MACROD2: variants seen among roughly 807,000 people sequenced by gnomAD.
MACROD2 encodes ADP-ribose glycohydrolase MACROD2.
MACROD2 carries 36 observed loss-of-function variants against 70.4 expected under a neutral mutation model. The observed-to-expected ratio is 0.51, with a 90% CI of 0.39 to 0.68. MACROD2 has a LOEUF of 0.68. MACROD2 is among the 30% of genes least tolerant of loss of function. The pLI is 0.00. For missense variants in MACROD2, 496 were observed against 538.4 expected (o/e 0.92, Z 0.78); for synonymous variants, 172 against 178.8 (o/e 0.96, Z 0.30).
At chr20:15,784,275 GCCTGGTAGCTCATGCTA>G (rs1316349777) in intron 8 of MACROD2, among the ~76,000 whole-genome samples, 1 of 152,120 alleles carries the variant, frequency 6.6e-6, no homozygotes, top group Non-Finnish European at 1.5e-5. Context: ...TGTAACAAGT[GCCTGGTAGCTCATGCTA>G]CCAGGATCAA....
At chr20:15,395,693 A>G (rs2045851449) in intron 6 of MACROD2, among the ~76,000 whole-genome samples, 1 of 152,184 alleles carries the variant, frequency 6.6e-6, no homozygotes, top group Non-Finnish European at 1.5e-5. Context: ...ACTAGCTCCT[A>G]TGCTTTCATT....
intron 5 of MACROD2, among the ~76,000 whole-genome samples, chr20:15,042,372 A>G (rs1485106564): frequency 6.6e-6 from 1 of 152,218 alleles, no homozygotes; most frequent in Non-Finnish European, 1.5e-5. Context: ...ATAATGGTAC[A>G]TGTTCTCATC....
intron 6 of MACROD2, among the ~76,000 whole-genome samples, chr20:15,389,539 G>A (rs2045764443): frequency 6.6e-6 from 1 of 152,168 alleles, no homozygotes; most frequent in Admixed American, 6.5e-5. Context: ...GCACTCCCCT[G>A]GGGGTTCTGT....
chr20:15,926,059 G>C (rs773726344), intron 10 of MACROD2, among the ~76,000 whole-genome samples: 2 of 152,174 alleles, frequency 1.3e-5, no homozygotes, highest in Non-Finnish European at 2.9e-5. Context: ...CATTAGTCTG[G>C]AGAACTATAT....
At chr20:14,996,673 A>C (rs1188497401) in intron 5 of MACROD2, among the ~76,000 whole-genome samples, 1 of 152,078 alleles carries the variant, frequency 6.6e-6, no homozygotes, top group Non-Finnish European at 1.5e-5. Flanking sequence ...TGGCGCAGAG[A>C]GATAATTTGT....
chr20:15,525,513 A>C (rs1457393062), intron 8 of MACROD2, among the ~76,000 whole-genome samples: 1 of 152,262 alleles, frequency 6.6e-6, no homozygotes, highest in Non-Finnish European at 1.5e-5. Context: ...TGCCATGGTG[A>C]GATTCAGAAC....
intron 15 of MACROD2, among the ~76,000 whole-genome samples, chr20:16,005,621 A>C (rs2066777755): frequency 6.6e-6 from 1 of 152,188 alleles, no homozygotes; most frequent in African/African-American, 2.4e-5. Context: ...TCCTTTCCGT[A>C]AACTACCTGT....
At chr20:14,903,562 A>C (rs139801428) in intron 5 of MACROD2, among the ~76,000 whole-genome samples, 1 of 122,344 alleles carries the variant, frequency 8.2e-6, no homozygotes, top group African/African-American at 3.2e-5. Flanking sequence ...GTTAGTTTTA[A>C]ATTTTTATTT....
chr20:14,403,132 G>A (rs945418452), intron 3 of MACROD2, among the ~76,000 whole-genome samples: 4 of 152,008 alleles, frequency 2.6e-5, no homozygotes, highest in Non-Finnish European at 4.4e-5. Context: ...CTCAAGATGA[G>A]ACAAATGTAG....
intron 8 of MACROD2, among the ~76,000 whole-genome samples, chr20:15,574,640 C>T (rs978121662): frequency 6.6e-6 from 1 of 152,128 alleles, no homozygotes. Flanking sequence ...CCAAATCATA[C>T]AGGGCTTGGA....
intron 3 of MACROD2, among the ~76,000 whole-genome samples, chr20:14,116,704 T>A (rs2054517893): frequency 6.6e-6 from 1 of 152,210 alleles, no homozygotes; most frequent in Non-Finnish European, 1.5e-5. Context: ...CTTTTTTGTT[T>A]GCATTTTTAT....
intron 2 of MACROD2, among the ~76,000 whole-genome samples, chr20:14,068,359 G>A (rs1343079613): frequency 6.6e-6 from 1 of 151,154 alleles, no homozygotes; most frequent in Non-Finnish European, 1.5e-5. Flanking sequence ...TCATATTTGA[G>A]TGTAAGCTCA....
At chr20:14,768,274 A>T (rs1280501732) in intron 5 of MACROD2, among the ~76,000 whole-genome samples, 5 of 151,964 alleles carry the variant, frequency 3.3e-5, no homozygotes, top group Admixed American at 6.6e-5. Flanking sequence ...AAGCCTTCCT[A>T]TTTCTCCACA....
At chr20:15,496,634 T>A (rs576144159) in intron 7 of MACROD2, among the ~76,000 whole-genome samples, 4 of 152,346 alleles carry the variant, frequency 2.6e-5, no homozygotes, top group South Asian at 4.1e-4. Context: ...CCCTATAATT[T>A]TATGATGTAA....
chr20:14,110,937 G>C (rs1447703926), intron 3 of MACROD2, among the ~76,000 whole-genome samples: 1 of 151,878 alleles, frequency 6.6e-6, no homozygotes, highest in Non-Finnish European at 1.5e-5. Context: ...TGAACAACAG[G>C]AGCAAAAACT....
At chr20:14,223,941 C>T (rs908946269) in intron 3 of MACROD2, among the ~76,000 whole-genome samples, 2 of 152,158 alleles carry the variant, frequency 1.3e-5, no homozygotes, top group South Asian at 2.1e-4. Context: ...GGTGGGCCAG[C>T]AGGCTGGAGA....
intron 9 of MACROD2, 115 bp downstream of exon 9, chr20:15,862,941 A>T: frequency 2.8e-6 from 2 of 721,648 alleles, no homozygotes; most frequent in Non-Finnish European, 4.5e-6. Flanking sequence ...GATCCTGCCA[A>T]CTTGTATCAT....
intron 3 of MACROD2, among the ~76,000 whole-genome samples, chr20:14,184,720 TCTC>T (rs1311269166): frequency 6.6e-6 from 1 of 152,116 alleles, no homozygotes; most frequent in Non-Finnish European, 1.5e-5. Context: ...GGTTTGTAGT[TCTC>T]CTTGTAGAGA....
At chr20:15,474,234 T>C (rs1369393909) in intron 7 of MACROD2, among the ~76,000 whole-genome samples, 1 of 152,234 alleles carries the variant, frequency 6.6e-6, no homozygotes, top group East Asian at 1.9e-4. Context: ...AACTTCATGG[T>C]TGATTTATGC....
Sources: allele counts gnomAD v4.1 joint callset (sites outside exome capture counted in the v4.1 genomes callset), GRCh38; gene constraint gnomAD v4.1.1; transcripts MANE v1.5; gene names NCBI Gene and HGNC (gene_info 2026-07-23, HGNC 2026-07-21).